ARID1B: variants seen among roughly 807,000 people sequenced by gnomAD.
ARID1B encodes the protein AT-rich interactive domain-containing protein 1B.
In ARID1B, 30 loss-of-function variants were observed where a neutral mutation model predicts 212.3. The observed-to-expected ratio is 0.14, with a 90% CI of 0.11 to 0.19. The LOEUF is 0.19. Among genes scored for constraint, ARID1B ranks in the 10% least tolerant of loss-of-function variants. The pLI, the probability that ARID1B is intolerant of heterozygous loss-of-function variation, is 1.00. For synonymous variants in ARID1B, 1,402 were observed against 1,301.7 expected (o/e 1.08, Z -1.66); for missense variants, 2,891 against 3,204.0 (o/e 0.90, Z 2.36).
At chr6:157,027,325 T>C (rs948579795) in intron 4 of ARID1B, among the ~76,000 whole-genome samples, 8 of 152,226 alleles carry the variant, frequency 5.3e-5, no homozygotes, top group African/African-American at 1.7e-4. Flanking sequence ...TCCATTCCAA[T>C]TTGATAATCA....
chr6:156,893,002 G>A (rs535405964), intron 2 of ARID1B, among the ~76,000 whole-genome samples: 8 of 150,156 alleles, frequency 5.3e-5, no homozygotes, highest in Non-Finnish European at 8.9e-5. Flanking sequence ...GTGTGTAAGA[G>A]CTTAAACAAA....
chr6:156,999,828 C>T (rs1311001890), intron 4 of ARID1B, among the ~76,000 whole-genome samples: 1 of 152,210 alleles, frequency 6.6e-6, no homozygotes, highest in East Asian at 1.9e-4. Context: ...CCACCATGCC[C>T]GGCCTAAACA....
chr6:157,133,020 C>T lies in ARID1B; in HGVS notation c.2582-8C>T, dbSNP rs1404929185. 2.3e-5 allele frequency: 36 copies of T among 1,591,206 alleles called. No homozygotes were observed. The highest frequency in any genetic ancestry group is 2.9e-5 in the Non-Finnish European group (34 of 1,171,322). On this transcript the variant is annotated splice_region_variant and splice_polypyrimidine_tract_variant and intron_variant, in intron 6 of 19. Coordinates refer to ENST00000636930, the MANE Select transcript of ARID1B (RefSeq NM_001374828.1). Reference sequence around the variant, plus strand: ...GCATTTATATGTTTCCATTTATTTCCCACTTAGGTTTTATGGCAGGCACAC... The same window carrying T: ...GCATTTATATGTTTCCATTTATTTCTCACTTAGGTTTTATGGCAGGCACAC...
intron 4 of ARID1B, chr6:157,023,059 A>T (rs1780429249): frequency 1.3e-5 from 2 of 152,198 alleles, no homozygotes; most frequent in African/African-American, 4.8e-5. Context: ...TAAAAATAAT[A>T]GCAGGGACAT....
chr6:156,863,559 ATTTC>A (rs1002700409), intron 2 of ARID1B, among the ~76,000 whole-genome samples: 1 of 152,100 alleles, frequency 6.6e-6, no homozygotes, highest in African/African-American at 2.4e-5. Flanking sequence ...AGTAGTTTGT[ATTTC>A]TTTTTTCCTT....
chr6:156,873,226 AT>A (rs984697772), intron 2 of ARID1B, among the ~76,000 whole-genome samples: 1 of 152,220 alleles, frequency 6.6e-6, no homozygotes, highest in Non-Finnish European at 1.5e-5. Flanking sequence ...TTCATATCAT[AT>A]TTAATTACAT....
rs935028872 is a variant in ARID1B at position 157,004,676 on chromosome 6, T to C, written c.2247+69100T>C. Among the ~76,000 whole-genome samples the C allele has an allele frequency of 3.9e-5, 6 of 152,176 alleles. No individual in the cohort carries two copies. In the East Asian group the frequency reaches 1.2e-3, roughly 29 times the overall value. ...GTTCGGAACAGCCGTGCACTTGGAC[T>C]TGGCTGTGTTCACCACTTGCGCTTC... is the stretch of plus-strand genomic sequence containing the variant. On this transcript the variant is annotated intron_variant, in intron 4 of 19. Coordinates refer to ENST00000636930, the MANE Select transcript of ARID1B (RefSeq NM_001374828.1).
chr6:156,945,149 A>T lies in ARID1B; in HGVS notation c.2247+9573A>T, dbSNP rs1248170980. Among the ~76,000 whole-genome samples, 20 of 122,700 alleles carry T rather than the reference A, an allele frequency of 1.6e-4. 1 individual carries two copies. In the East Asian group the frequency reaches 5.2e-3, roughly 32 times the overall value. The allele number at this position is 122,700 out of a possible 152,430, so 80.5% of individuals were successfully genotyped here. A position where few individuals can be genotyped will look rare whatever the true frequency, so the allele number is the denominator to read the frequency against. ...ACGGGGTTTCACCATGTTAGCCAGG[A>T]TGGTCTTGATCTCCTGACCTTGTGA... On this transcript the variant is annotated intron_variant, in intron 4 of 19. Coordinates refer to ENST00000636930, the MANE Select transcript of ARID1B (RefSeq NM_001374828.1).
intron 4 of ARID1B, among the ~76,000 whole-genome samples, chr6:156,986,804 A>C (rs972878739): frequency 5.9e-5 from 9 of 152,168 alleles, no homozygotes; most frequent in African/African-American, 1.9e-4. Context: ...AATGGTAGTA[A>C]AGTGGTAGCA....
At chr6:156,793,602 C>G (rs115625112) in intron 1 of ARID1B, among the ~76,000 whole-genome samples, 4,332 of 152,222 alleles carry the variant, frequency 0.028, 204 homozygotes, top group African/African-American at 0.097. Flanking sequence ...TCCCGAAGAG[C>G]TAGGATTATA....
rs574567404 is a variant in ARID1B at position 157,127,869 on chromosome 6, G to A, written c.2582-5159G>A. ...CCCAGCTATTCAGGAGGCTGAGGCA[G>A]AAGAATCACTTGAACCTGGGAGGCA... is the stretch of plus-strand genomic sequence containing the variant. On this transcript the variant is annotated intron_variant, in intron 6 of 19. Transcript: ENST00000636930. Among the ~76,000 whole-genome samples, 71 of 145,854 alleles carry A rather than the reference G, an allele frequency of 4.9e-4. No homozygotes were observed. The Middle Eastern group carries it at 0.011, about 22-fold the overall frequency.
At chr6:156,998,784 T>C (rs1778751020) in intron 4 of ARID1B, among the ~76,000 whole-genome samples, 1 of 152,246 alleles carries the variant, frequency 6.6e-6, no homozygotes, top group Non-Finnish European at 1.5e-5. Context: ...AATCAACAAC[T>C]GCATTTTCTC....
chr6:157,106,095 AATAC>A, intron 5 of ARID1B, among the ~76,000 whole-genome samples: 1 of 152,242 alleles, frequency 6.6e-6, no homozygotes, highest in East Asian at 1.9e-4. Context: ...GCAATACAAA[AATAC>A]ATCCACAAAA....
intron 2 of ARID1B, among the ~76,000 whole-genome samples, chr6:156,837,306 T>C (rs1198573873): frequency 6.6e-6 from 1 of 152,162 alleles, no homozygotes; most frequent in Admixed American, 6.5e-5. Context: ...CAAAGAGAGA[T>C]CTAGCAATTA....
chr6:156,791,767 T>C (rs1053445209), intron 1 of ARID1B, among the ~76,000 whole-genome samples: 1 of 152,164 alleles, frequency 6.6e-6, no homozygotes, highest in Non-Finnish European at 1.5e-5. Flanking sequence ...AATGTGCTGA[T>C]GTGCAGGATC....
intron 7 of ARID1B, among the ~76,000 whole-genome samples, chr6:157,142,110 C>A (rs867975685): frequency 6.6e-6 from 1 of 152,146 alleles, no homozygotes; most frequent in Admixed American, 6.5e-5. Context: ...AGAAGCCAGC[C>A]ACGAAAGCCT....
At chr6:156,958,932 A>G (rs1161449168) in intron 4 of ARID1B, among the ~76,000 whole-genome samples, 1 of 152,228 alleles carries the variant, frequency 6.6e-6, no homozygotes, top group African/African-American at 2.4e-5. Flanking sequence ...CGATCTGGTC[A>G]TTACCTGGGA....
intron 4 of ARID1B, among the ~76,000 whole-genome samples, chr6:157,021,778 A>G (rs1169879072): frequency 6.6e-6 from 1 of 151,760 alleles, no homozygotes; most frequent in Admixed American, 6.6e-5. Flanking sequence ...CCGCTCGCAC[A>G]GCGTGTTTTC....
chr6:157,041,941 G>A (rs9480422), intron 4 of ARID1B, among the ~76,000 whole-genome samples: 3 of 152,052 alleles, frequency 2.0e-5, no homozygotes, highest in Non-Finnish European at 4.4e-5. Context: ...GCCTCCTTGC[G>A]CATTTGACCT....
Sources: gnomAD v4.1 joint callset for allele counts (sites outside exome capture counted in the v4.1 genomes callset) on GRCh38, gnomAD v4.1.1 for gene constraint, MANE v1.5 for transcripts, NCBI Gene and HGNC (gene_info 2026-07-23, HGNC 2026-07-21) for gene names.